RPH3A: variants seen among roughly 807,000 people sequenced by gnomAD.
RPH3A encodes the protein rabphilin 3A.
A neutral mutation model predicts 102.2 loss-of-function variants in RPH3A; 48 were observed. The observed-to-expected ratio is 0.47, with a 90% CI of 0.37 to 0.60. The LOEUF is 0.60. Among genes scored for constraint, RPH3A ranks in the 20% least tolerant of loss-of-function variants. RPH3A has a pLI of 0.00. For synonymous variants in RPH3A, 310 were observed against 324.3 expected (o/e 0.96, Z 0.47); for missense variants, 781 against 910.1 (o/e 0.86, Z 1.83).
intron 1 of RPH3A, among the ~76,000 whole-genome samples, chr12:112,745,178 G>A (rs1239798372): frequency 6.6e-6 from 1 of 152,154 alleles, no homozygotes; most frequent in Non-Finnish European, 1.5e-5. Flanking sequence ...TGTGTGTTTA[G>A]ATTCAGGTTG....
intron 12 of RPH3A, among the ~76,000 whole-genome samples, chr12:112,876,378 C>T (rs1289816830): frequency 1.3e-5 from 2 of 152,152 alleles, no homozygotes; most frequent in Non-Finnish European, 2.9e-5. Context: ...AAGTAATTTG[C>T]CGCAGGTCAC....
At chr12:112,891,450 T>C (rs1253764570) in intron 19 of RPH3A, among the ~76,000 whole-genome samples, 1 of 152,098 alleles carries the variant, frequency 6.6e-6, no homozygotes, top group Non-Finnish European at 1.5e-5. Flanking sequence ...TCATGGAGAA[T>C]AAAAGGGACT....
chr12:112,811,996 C>T (rs1038694134), intron 2 of RPH3A, among the ~76,000 whole-genome samples: 2 of 151,718 alleles, frequency 1.3e-5, no homozygotes, highest in South Asian at 2.1e-4. Flanking sequence ...CAGACTTCTC[C>T]GCCTGGTAGA....
chr12:112,704,111 C>T (rs189234981), intron 1 of RPH3A, among the ~76,000 whole-genome samples: 1 of 150,164 alleles, frequency 6.7e-6, no homozygotes, highest in East Asian at 1.9e-4. Context: ...TTTTTTGAGA[C>T]CGAGTTTCAC....
chr12:112,606,817 T>A (rs2051634632), intron 1 of RPH3A, among the ~76,000 whole-genome samples: 1 of 152,140 alleles, frequency 6.6e-6, no homozygotes, highest in African/African-American at 2.4e-5. Context: ...TCACTCAGTA[T>A]CATGAGAACA....
rs140084566 is a variant in RPH3A at position 112,655,523 on chromosome 12, C to A, written c.-140+80204C>A. Among the ~76,000 whole-genome samples the A allele has an allele frequency of 1.2e-3, 147 of 123,592 alleles. 2 individuals carry two copies. The highest frequency in any genetic ancestry group is 4.4e-3 in the African/African-American group (143 of 32,172). 81.1% of individuals were successfully genotyped at this position (123,592 alleles called of 152,430 possible). ...CTTCAATCTAGGTCAATAGAAGTTT[C>A]TTCATGTCTGATTTGGGCCCATCTC... On this transcript the variant is annotated intron_variant, in intron 1 of 21. Transcript: ENST00000543106.
chr12:112,577,976 A>G (rs1566214346), intron 1 of RPH3A, among the ~76,000 whole-genome samples: 2 of 152,184 alleles, frequency 1.3e-5, no homozygotes, highest in Non-Finnish European at 2.9e-5. Flanking sequence ...AGTAAAGTAG[A>G]GATTCAGTCT....
intron 5 of RPH3A, among the ~76,000 whole-genome samples, chr12:112,849,572 G>A (rs958520020): frequency 6.6e-6 from 1 of 152,140 alleles, no homozygotes; most frequent in African/African-American, 2.4e-5. Context: ...CTTACCACCA[G>A]CTATCACATT....
intron 1 of RPH3A, among the ~76,000 whole-genome samples, chr12:112,732,545 C>T (rs1406692236): frequency 6.6e-6 from 1 of 152,066 alleles, no homozygotes; most frequent in Non-Finnish European, 1.5e-5. Context: ...GGGAGATGAA[C>T]GTGCAGGATG....
chr12:112,658,808 G>C (rs2040030813), intron 1 of RPH3A, among the ~76,000 whole-genome samples: 1 of 152,184 alleles, frequency 6.6e-6, no homozygotes, highest in South Asian at 2.1e-4. Flanking sequence ...TTGTTGATAG[G>C]TAATGGTTCC....
intron 1 of RPH3A, among the ~76,000 whole-genome samples, chr12:112,768,888 G>C (rs1300268078): frequency 2.0e-5 from 3 of 151,918 alleles, no homozygotes; most frequent in African/African-American, 7.3e-5. Flanking sequence ...CTCCAGCCTG[G>C]GTAACAAAGC....
chr12:112,620,132 C>T (rs1262978248), intron 1 of RPH3A, among the ~76,000 whole-genome samples: 1 of 152,206 alleles, frequency 6.6e-6, no homozygotes, highest in Non-Finnish European at 1.5e-5. Context: ...AACTTCTGTT[C>T]AAATCCTTCT....
At chr12:112,654,731 G>A (rs1023986832) in intron 1 of RPH3A, among the ~76,000 whole-genome samples, 4 of 152,142 alleles carry the variant, frequency 2.6e-5, no homozygotes, top group African/African-American at 2.4e-5. Context: ...CAGTTGCAGC[G>A]GTAGGCTGGG....
chr12:112,600,203 A>G (rs2039548306), intron 1 of RPH3A, among the ~76,000 whole-genome samples: 1 of 152,118 alleles, frequency 6.6e-6, no homozygotes, highest in African/African-American at 2.4e-5. Flanking sequence ...CAGATTTTGG[A>G]AAAGGTTGAT....
intron 1 of RPH3A, among the ~76,000 whole-genome samples, chr12:112,722,737 T>A (rs1273115107): frequency 6.6e-6 from 1 of 152,204 alleles, no homozygotes; most frequent in Non-Finnish European, 1.5e-5. Flanking sequence ...GCAGCAGCTA[T>A]GTTGTCACCA....
chr12:112,798,316 T>C (rs1038804457), intron 2 of RPH3A, among the ~76,000 whole-genome samples: 3 of 152,218 alleles, frequency 2.0e-5, no homozygotes, highest in African/African-American at 7.2e-5. Flanking sequence ...AGGATTTATT[T>C]AGAGAGCGAG....
At chr12:112,835,163 G>C (rs962526212) in intron 3 of RPH3A, among the ~76,000 whole-genome samples, 11 of 152,086 alleles carry the variant, frequency 7.2e-5, no homozygotes, top group African/African-American at 2.4e-4. Context: ...ACCTCCTCCA[G>C]TTCTACAAGT....
chr12:112,777,843 C>T (rs533214123), intron 1 of RPH3A, among the ~76,000 whole-genome samples: 1 of 152,294 alleles, frequency 6.6e-6, no homozygotes, highest in South Asian at 2.1e-4. Flanking sequence ...GCTTTTTTGG[C>T]TGAGCTAGGA....
At chr12:112,840,402 T>C (rs2136176290) in intron 4 of RPH3A, among the ~76,000 whole-genome samples, 1 of 152,332 alleles carries the variant, frequency 6.6e-6, no homozygotes, top group South Asian at 2.1e-4. Flanking sequence ...TCCTATTCAT[T>C]GTGCTACCAA....
Sources: allele counts gnomAD v4.1 joint callset (sites outside exome capture counted in the v4.1 genomes callset), GRCh38; gene constraint gnomAD v4.1.1; transcripts MANE v1.5; gene names NCBI Gene and HGNC (gene_info 2026-07-23, HGNC 2026-07-21).